The following PARP10 variants were observed in gnomAD, a reference collection of about 807,000 sequenced individuals.
PARP10 encodes the protein protein mono-ADP-ribosyltransferase PARP10.
A neutral mutation model predicts 82.4 loss-of-function variants in PARP10; 56 were observed. The ratio of observed to expected loss-of-function variants is 0.68; its 90% confidence interval spans 0.55 to 0.85. The LOEUF is 0.85. PARP10 is among the 40% of genes least tolerant of loss of function. PARP10 has a pLI of 0.00. For synonymous variants in PARP10, 576 were observed against 601.1 expected (o/e 0.96, Z 0.61); for missense variants, 1,227 against 1,379.4 (o/e 0.89, Z 1.75).
intron 1 of PARP10, among the ~76,000 whole-genome samples, chr8:144,009,664 T>C (rs1490298375): frequency 1.3e-5 from 2 of 152,176 alleles, no homozygotes; most frequent in African/African-American, 4.8e-5. Flanking sequence ...CTTAACATCC[T>C]GATCTCAGCA....
chr8:143,996,937 G>T (rs1165368034), intron 1 of PARP10, among the ~76,000 whole-genome samples: 2 of 152,156 alleles, frequency 1.3e-5, no homozygotes, highest in Non-Finnish European at 2.9e-5. Context: ...GATCAGTGAA[G>T]ACTATGGTGA....
At chr8:143,978,702 C>G (rs1039825380) in intron 9 of PARP10, among the ~76,000 whole-genome samples, 2 of 152,032 alleles carry the variant, frequency 1.3e-5, no homozygotes, top group Non-Finnish European at 2.9e-5. Context: ...AGATGGAGTT[C>G]AGGAACTGAT....
chr8:143,991,845 C>T, upstream of PARP10: 4 of 1,609,424 alleles, frequency 2.5e-6, no homozygotes, highest in Non-Finnish European at 3.4e-6. Context: ...GCTGTGGCTC[C>T]CAGCGGATGA....
At chr8:144,012,199 A>G (rs1390102029) in intron 1 of PARP10, among the ~76,000 whole-genome samples, 1 of 152,202 alleles carries the variant, frequency 6.6e-6, no homozygotes, top group African/African-American at 2.4e-5. Flanking sequence ...GCGGGCAGCA[A>G]TTAACTTGCG....
chr8:144,007,379 T>G (rs1321584939), intron 1 of PARP10, among the ~76,000 whole-genome samples: 1 of 152,192 alleles, frequency 6.6e-6, no homozygotes, highest in Non-Finnish European at 1.5e-5. Flanking sequence ...AAAGGGATAT[T>G]GGTTTCCTCA....
rs1833910133 is a variant in PARP10, at chr8:143,983,425, GCTC to G, written c.2161_2163del (p.Glu721del). On this transcript the variant is annotated inframe_deletion, in exon 8 of 11. Transcript: ENST00000313028. ...AAGGCAGCCCTGAGCGCCCGGTCCA[GCTC>G]CTCCACATCCTGCTCAAAGGCCGAG... The G allele has an allele frequency of 6.2e-7, 1 of 1,604,780 alleles. No homozygotes were observed. Among genetic ancestry groups the G allele is most frequent in the Admixed American group, 1.7e-5 (1 of 59,910 alleles).
chr8:143,980,529 T>TTA (rs1303196144), intron 9 of PARP10, among the ~76,000 whole-genome samples: 19 of 149,364 alleles, frequency 1.3e-4, no homozygotes, highest in African/African-American at 4.6e-4. Flanking sequence ...CTCAAAAAAA[T>TTA]TATATATATA....
chr8:143,981,045 C>A lies in PARP10; in HGVS notation c.2556+1887G>T, dbSNP rs558638804. Among the ~76,000 whole-genome samples the A allele has an allele frequency of 3.3e-5, 5 of 149,500 alleles. No homozygotes were observed. In the South Asian group the frequency reaches 8.4e-4, roughly 25 times the overall value. ...GGCAAGAAACAATCTCTAAAGCTGTCAAGTGAAAAAAAAAAATTCAAGCAT... is the reference window on the plus strand; with the variant it reads ...GGCAAGAAACAATCTCTAAAGCTGTAAAGTGAAAAAAAAAAATTCAAGCAT... On this transcript the variant is annotated intron_variant, in intron 9 of 10. Transcript: ENST00000313028.
At chr8:143,983,088 G>A in intron 8 of PARP10, 23 bp from the exon 9 acceptor site, 1 of 1,613,822 alleles carries the variant, frequency 6.2e-7, no homozygotes, top group South Asian at 1.1e-5. Flanking sequence ...GAAAAGCGGG[G>A]GGTCAGAGCC....
At chr8:143,991,287 C>G (rs892183869), upstream of PARP10, 11 of 1,491,100 alleles carry the variant, frequency 7.4e-6, no homozygotes, top group Non-Finnish European at 1.0e-5. Context: ...CCCTGGATAT[C>G]CGGGGGGGCC....
At chr8:143,997,929 GC>G (rs1261310153) in intron 1 of PARP10, among the ~76,000 whole-genome samples, 4 of 151,670 alleles carry the variant, frequency 2.6e-5, no homozygotes, top group African/African-American at 9.7e-5. Flanking sequence ...GACTATAGGT[GC>G]CCCACCACCA....
intron 1 of PARP10, among the ~76,000 whole-genome samples, chr8:143,996,919 G>A (rs1554751354): frequency 6.6e-6 from 1 of 152,146 alleles, no homozygotes; most frequent in Non-Finnish European, 1.5e-5. Context: ...TTTAAGTAGA[G>A]GCAGGAAGAT....
chr8:144,001,479 G>C (rs1014696357), intron 1 of PARP10, among the ~76,000 whole-genome samples: 1 of 152,182 alleles, frequency 6.6e-6, no homozygotes, highest in Admixed American at 6.5e-5. Flanking sequence ...GGCCGAGGCA[G>C]GCGGACCACT....
intron 1 of PARP10, among the ~76,000 whole-genome samples, chr8:143,997,011 G>C (rs1554751363): frequency 6.6e-6 from 1 of 152,170 alleles, no homozygotes; most frequent in Non-Finnish European, 1.5e-5. Context: ...GACTCCTGGG[G>C]GACCTGGTCC....
At position 143,984,674 on chromosome 8, in the gene PARP10, A is replaced by G. The variant is rs371980765; in HGVS notation, c.1328T>C (p.Leu443Pro). ...CTCCATCAATAGCACCATCTCCACC[A>G]GGCCCTCCTGCCCTGCCAGCTTCAC... Reference protein sequence around the residue: ...GCVKLAGQEGLVEMVLLMEPG... With the variant: ...GCVKLAGQEGPVEMVLLMEPG... Residue 443 changes from leucine to proline, a missense_variant, in exon 5 of 11, where the codon CTG (leucine) becomes CCG (proline). By Grantham distance (98) the Leu-to-Pro change is moderately conservative. Transcript: ENST00000313028. 17 of 1,613,896 alleles carry G rather than the reference A, an allele frequency of 1.1e-5. No homozygotes were observed. The highest frequency in any genetic ancestry group is 1.4e-5 in the Non-Finnish European group (17 of 1,179,972).
upstream of PARP10, chr8:143,992,443 C>A (rs1386197722): frequency 4.3e-6 from 7 of 1,613,822 alleles, no homozygotes; most frequent in Admixed American, 1.7e-5. Flanking sequence ...AGCCCCATGG[C>A]CCGTTCCTCT....
At chr8:143,996,320 C>T (rs1380260560) in intron 1 of PARP10, among the ~76,000 whole-genome samples, 1 of 152,220 alleles carries the variant, frequency 6.6e-6, no homozygotes, top group Non-Finnish European at 1.5e-5. Flanking sequence ...CAAGATTAAA[C>T]AACACAGACA....
chr8:143,991,437 G>T, upstream of PARP10: 1 of 1,453,140 alleles, frequency 6.9e-7, no homozygotes, highest in East Asian at 2.5e-5. Context: ...CTACCCACAG[G>T]GTCCCTACCC....
chr8:144,002,792 C>A (rs1298511105), intron 1 of PARP10, among the ~76,000 whole-genome samples: 5 of 152,062 alleles, frequency 3.3e-5, no homozygotes, highest in Admixed American at 6.5e-5. Flanking sequence ...AATTTCTGTT[C>A]ATCAAAAGAT....
Sources: gnomAD v4.1 joint callset for allele counts (sites outside exome capture counted in the v4.1 genomes callset) on GRCh38, gnomAD v4.1.1 for gene constraint, MANE v1.5 for transcripts, NCBI Gene and HGNC (gene_info 2026-07-23, HGNC 2026-07-21) for gene names.